Variants in KCNQ5 observed in about 807,000 individuals in gnomAD.
KCNQ5 encodes potassium voltage-gated channel subfamily Q member 5.
A neutral mutation model predicts 98.2 loss-of-function variants in KCNQ5; 30 were observed. The ratio of observed to expected loss-of-function variants is 0.31; its 90% CI spans 0.23 to 0.41. The LOEUF (loss-of-function observed/expected upper bound fraction) is 0.41, where lower values mean the gene tolerates loss of function less well. KCNQ5 is among the 10% of genes least tolerant of loss of function. The pLI is 1.00. For synonymous variants in KCNQ5, 458 were observed against 449.4 expected, an observed-to-expected ratio of 1.02 and a Z score of -0.24; for missense variants, 835 against 1,182.5, an observed-to-expected ratio of 0.71 and a Z score of 4.31.
intron 1 of KCNQ5, among the ~76,000 whole-genome samples, chr6:72,642,067 G>T (rs922759922): frequency 1.3e-5 from 2 of 150,972 alleles, no homozygotes; most frequent in Non-Finnish European, 2.9e-5. Context: ...AGGGAAGGGG[G>T]ATGTAAGGCA....
chr6:73,074,208 G>T (rs544209349), intron 3 of KCNQ5, among the ~76,000 whole-genome samples: 5 of 152,098 alleles, frequency 3.3e-5, no homozygotes, highest in African/African-American at 9.6e-5. Flanking sequence ...TGAAATAGTA[G>T]ATCACAAAAA....
At chr6:73,122,385 T>C (rs545637662) in intron 8 of KCNQ5, among the ~76,000 whole-genome samples, 6 of 152,202 alleles carry the variant, frequency 3.9e-5, no homozygotes, top group Admixed American at 2.0e-4. Context: ...ATTCCCCCAG[T>C]AAATCAACTA....
intron 10 of KCNQ5, among the ~76,000 whole-genome samples, chr6:73,145,792 T>C (rs577828430): frequency 5.9e-5 from 9 of 152,274 alleles, no homozygotes; most frequent in African/African-American, 1.9e-4. Context: ...GGGTGATTTA[T>C]AAAGAAAAGT....
chr6:72,866,801 C>A (rs1262793718), intron 1 of KCNQ5, among the ~76,000 whole-genome samples: 2 of 152,152 alleles, frequency 1.3e-5, no homozygotes, highest in Non-Finnish European at 2.9e-5. Context: ...GCCTAAGGAC[C>A]TTGAACCTCA....
chr6:72,980,044 T>A (rs1768358448), intron 1 of KCNQ5, among the ~76,000 whole-genome samples: 2 of 152,222 alleles, frequency 1.3e-5, no homozygotes, highest in Non-Finnish European at 2.9e-5. Flanking sequence ...TATCTCTGTT[T>A]TGGTACCAGT....
chr6:72,826,518 A>G (rs1428655550), intron 1 of KCNQ5, among the ~76,000 whole-genome samples: 1 of 151,976 alleles, frequency 6.6e-6, no homozygotes, highest in Non-Finnish European at 1.5e-5. Flanking sequence ...ATTCATGCTT[A>G]TGTTTAATGT....
At chr6:72,813,409 A>C (rs1775340501) in intron 1 of KCNQ5, among the ~76,000 whole-genome samples, 1 of 152,164 alleles carries the variant, frequency 6.6e-6, no homozygotes, top group African/African-American at 2.4e-5. Flanking sequence ...TTGCTTCGTA[A>C]GAGGAATTTG....
At chr6:72,922,810 CTTT>C (rs369263359) in intron 1 of KCNQ5, among the ~76,000 whole-genome samples, 91 of 103,864 alleles carry the variant, frequency 8.8e-4, no homozygotes, top group African/African-American at 3.1e-3. Context: ...TTTTCTTTTT[CTTT>C]TTTTTTTTTT....
intron 1 of KCNQ5, among the ~76,000 whole-genome samples, chr6:72,952,415 C>T (rs536141075): frequency 6.6e-6 from 1 of 152,124 alleles, no homozygotes; most frequent in African/African-American, 2.4e-5. Flanking sequence ...TCACTTTAGA[C>T]CCTTGTGTTG....
chr6:73,035,196 A>G (rs548618998), intron 2 of KCNQ5, among the ~76,000 whole-genome samples: 26 of 152,292 alleles, frequency 1.7e-4, no homozygotes, highest in South Asian at 6.2e-4. Context: ...AAGAATAAGA[A>G]AATTCTTCTA....
At position 72,895,114 on chromosome 6, in the gene KCNQ5, TAAA is replaced by T. The variant is rs71540357; in HGVS notation, c.399-108771_399-108769del. ...TAACACGGTGAAACCCCATCTCTAC[TAAA>T]AAAAAAAAAAAAAAAAAAAAAATTA... is the stretch of plus-strand genomic sequence containing the variant. On this transcript the variant is annotated intron_variant, in intron 1 of 13. Transcript: ENST00000370398. Among the ~76,000 whole-genome samples, 865 of 89,236 alleles carry T rather than the reference TAAA, an allele frequency of 9.7e-3. 13 individuals are homozygous for T. Among genetic ancestry groups the T allele is most frequent in the African/African-American group, 0.034 (765 of 22,182 alleles). 58.5% of individuals were successfully genotyped at this position (89,236 alleles called of 152,430 possible).
At chr6:73,041,154 C>T (rs1046340587) in intron 2 of KCNQ5, among the ~76,000 whole-genome samples, 3 of 152,168 alleles carry the variant, frequency 2.0e-5, no homozygotes, top group Admixed American at 6.5e-5. Context: ...GAAATGCTTT[C>T]GTTTTACAAA....
At chr6:73,080,743 C>G (rs1333481452) in intron 5 of KCNQ5, among the ~76,000 whole-genome samples, 1 of 151,932 alleles carries the variant, frequency 6.6e-6, no homozygotes, top group African/African-American at 2.4e-5. Context: ...AAAGGAAATC[C>G]CCTATATTAA....
At chr6:72,717,074 G>A (rs1769683745) in intron 1 of KCNQ5, among the ~76,000 whole-genome samples, 2 of 152,196 alleles carry the variant, frequency 1.3e-5, no homozygotes, top group East Asian at 1.9e-4. Context: ...TTGACAAAAT[G>A]TGAGTCATAA....
intron 10 of KCNQ5, among the ~76,000 whole-genome samples, chr6:73,160,436 G>GT (rs1263793311): frequency 2.3e-4 from 35 of 152,322 alleles, no homozygotes; most frequent in African/African-American, 7.7e-4. Context: ...AGAAGAGGGG[G>GT]TTTTTTGATG....
chr6:72,966,906 C>A (rs1416475678), intron 1 of KCNQ5, among the ~76,000 whole-genome samples: 1 of 152,164 alleles, frequency 6.6e-6, no homozygotes, highest in East Asian at 1.9e-4. Context: ...ACCTTGAAGA[C>A]CTGTTGTTTC....
At chr6:72,837,296 A>T (rs555458515) in intron 1 of KCNQ5, among the ~76,000 whole-genome samples, 13 of 152,312 alleles carry the variant, frequency 8.5e-5, no homozygotes, top group African/African-American at 3.1e-4. Flanking sequence ...CCTACACAAA[A>T]CACACAACAA....
At chr6:72,816,742 G>A (rs907640240) in intron 1 of KCNQ5, among the ~76,000 whole-genome samples, 10 of 152,202 alleles carry the variant, frequency 6.6e-5, no homozygotes, top group African/African-American at 2.2e-4. Flanking sequence ...ACCCATGGAT[G>A]TGGCCTGTCT....
rs116713577 is a variant in KCNQ5, at chr6:72,822,670, C to G, written c.399-181238C>G. On this transcript the variant is annotated intron_variant, in intron 1 of 13. Coordinates refer to ENST00000370398, the MANE Select transcript of KCNQ5 (RefSeq NM_019842.4). ...GGTCTAGCATTTATGGAGAATAGGA[C>G]AGCAAATCAATCTATAAGCTCTTTT... Among the ~76,000 whole-genome samples, 751 of 152,216 alleles carry G rather than the reference C, an allele frequency of 4.9e-3. 8 individuals carry two copies. The highest frequency in any genetic ancestry group is 0.017 in the African/African-American group (711 of 41,530).
Sources: gnomAD v4.1 joint callset for allele counts (sites outside exome capture counted in the v4.1 genomes callset) on GRCh38, gnomAD v4.1.1 for gene constraint, MANE v1.5 for transcripts, NCBI Gene and HGNC (gene_info 2026-07-23, HGNC 2026-07-21) for gene names.